The following AK9 variants were observed in gnomAD, a reference collection of about 807,000 sequenced individuals.
AK9 encodes the protein adenylate kinase domain containing 1.
AK9 carries 191 observed loss-of-function variants against 239.6 expected under a neutral mutation model. The ratio of observed to expected loss-of-function variants is 0.80; its 90% CI spans 0.71 to 0.90. The LOEUF (loss-of-function observed/expected upper bound fraction) is 0.90. AK9 is among the 40% of genes least tolerant of loss of function. The probability of loss-of-function intolerance (pLI) is 0.00; values close to 1 mark genes in which losing one functional copy is unlikely to be tolerated. For missense variants in AK9, 1,995 were observed against 2,214.7 expected (o/e 0.90, Z 1.99); for synonymous variants, 689 against 721.0 (o/e 0.96, Z 0.71).
chr6:109,655,231 C>A (rs963845955), intron 8 of AK9, among the ~76,000 whole-genome samples: 2 of 152,110 alleles, frequency 1.3e-5, no homozygotes, highest in African/African-American at 4.8e-5. Flanking sequence ...ACTACCTGTT[C>A]ATCTTTTAAA....
chr6:109,542,700 G>C (rs1185851861), intron 26 of AK9, among the ~76,000 whole-genome samples: 1 of 152,024 alleles, frequency 6.6e-6, no homozygotes, highest in Non-Finnish European at 1.5e-5. Context: ...TTTTTATAGT[G>C]TTGCTTATAA....
chr6:109,515,630 C>G (rs1189726797), intron 31 of AK9, among the ~76,000 whole-genome samples: 1 of 151,978 alleles, frequency 6.6e-6, no homozygotes, highest in Non-Finnish European at 1.5e-5. Context: ...AGGAGAAACT[C>G]AGGGGGAGGT....
At position 109,633,210 on chromosome 6, in the gene AK9, A is replaced by G. The variant is rs1796319693; in HGVS notation, c.1047T>C (p.Tyr349=). 3 of 1,600,756 alleles carry G rather than the reference A, an allele frequency of 1.9e-6. No homozygotes were observed. The highest frequency in any genetic ancestry group is 8.5e-7 in the Non-Finnish European group (1 of 1,177,218). Residue 349 remains tyrosine (Y), a synonymous_variant, in exon 11 of 41, where the codon TAT becomes TAC. Coordinates refer to ENST00000424296, the MANE Select transcript of AK9 (RefSeq NM_001145128.3). ...TCACAGAATAATCTGGTAATCCTGA[A>G]TAAATGTTACCATCTTTTAAATTCA... ...CPVNLKDGNI[Y]SGLPDYSVSF... is the part of the protein sequence containing the mutation.
intron 29 of AK9, among the ~76,000 whole-genome samples, chr6:109,526,787 C>T (rs1359119721): frequency 6.6e-6 from 1 of 152,080 alleles, no homozygotes; most frequent in Non-Finnish European, 1.5e-5. Flanking sequence ...TGTCTCCAAC[C>T]CGTATACCCA....
chr6:109,507,130 C>A (rs898818335), intron 33 of AK9, among the ~76,000 whole-genome samples: 11 of 152,188 alleles, frequency 7.2e-5, no homozygotes, highest in African/African-American at 2.7e-4. Context: ...TTGTGTTCAA[C>A]TGGTGCTGTT....
chr6:109,528,692 G>A (rs187450619), intron 29 of AK9: 64 of 479,894 alleles, frequency 1.3e-4, no homozygotes, highest in Non-Finnish European at 2.4e-4. Context: ...GTGACATGTG[G>A]TTGCACTTGT....
At chr6:109,616,007 C>T (rs1425862014) in intron 13 of AK9, among the ~76,000 whole-genome samples, 10 of 151,586 alleles carry the variant, frequency 6.6e-5, no homozygotes, top group Admixed American at 5.3e-4. Context: ...AGGCCAAGGC[C>T]GGAGGATCAC....
chr6:109,678,856 C>A (rs1772170123), intron 1 of AK9, among the ~76,000 whole-genome samples: 1 of 152,098 alleles, frequency 6.6e-6, no homozygotes, highest in Non-Finnish European at 1.5e-5. Context: ...TGCAAGGGGT[C>A]GGGGAACTCC....
chr6:109,535,082 T>C (rs1321060529), intron 27 of AK9, among the ~76,000 whole-genome samples: 4 of 152,250 alleles, frequency 2.6e-5, no homozygotes, highest in Non-Finnish European at 5.9e-5. Flanking sequence ...GCATGTGGCA[T>C]TATAGCAGCA....
At chr6:109,495,069 C>A (rs1421685636) in intron 39 of AK9, among the ~76,000 whole-genome samples, 4 of 152,172 alleles carry the variant, frequency 2.6e-5, no homozygotes, top group Admixed American at 6.5e-5. Context: ...AACCAAACTA[C>A]ATATCTAATT....
intron 27 of AK9, among the ~76,000 whole-genome samples, chr6:109,537,593 GT>G (rs1782206732): frequency 7.2e-6 from 1 of 138,484 alleles, no homozygotes; most frequent in Admixed American, 7.1e-5. Context: ...GGTTTTTTGT[GT>G]CCTATCTCTT....
At chr6:109,676,133 T>C (rs1025030563) in intron 1 of AK9, among the ~76,000 whole-genome samples, 1 of 152,118 alleles carries the variant, frequency 6.6e-6, no homozygotes, top group African/African-American at 2.4e-5. Context: ...AAAGGTAATG[T>C]TGGCTAAATG....
In AK9 at chr6:109,585,990, T is replaced by A. The variant is rs927735182; in HGVS notation, c.1925A>T (p.Glu642Val). The A allele has an allele frequency of 3.9e-6, 6 of 1,551,546 alleles. No individual in the cohort carries two copies. The highest frequency in any genetic ancestry group is 4.4e-6 in the Non-Finnish European group (5 of 1,146,928). The change falls in exon 18 of 41, where the codon GAA becomes GTA. Residue 642 changes from glutamate (E) to valine (V), a missense_variant. Transcript: ENST00000424296. ...TTTCTTGATTAAGGCCATCCACAAT[T>A]CTTTTACAATAGGGCAGTTGTCCAC... ...WIVDNCPIVKELWMALIKKGI... is the reference protein window; with the variant it reads ...WIVDNCPIVKVLWMALIKKGI...
intron 39 of AK9, among the ~76,000 whole-genome samples, chr6:109,494,854 GATAA>G (rs141142543): frequency 0.058 from 8,759 of 152,110 alleles, 804 homozygotes; most frequent in African/African-American, 0.2. Flanking sequence ...GTTATACTTG[GATAA>G]ATAAAGTATA....
chr6:109,587,140 T>A (rs896161691), intron 17 of AK9, among the ~76,000 whole-genome samples: 1 of 152,178 alleles, frequency 6.6e-6, no homozygotes, highest in African/African-American at 2.4e-5. Flanking sequence ...ATAAGCAGTC[T>A]TTTAAAAAAT....
At chr6:109,553,652 G>C (rs961945040) in intron 24 of AK9, among the ~76,000 whole-genome samples, 1 of 152,170 alleles carries the variant, frequency 6.6e-6, no homozygotes, top group African/African-American at 2.4e-5. Context: ...TGCAAGCAGA[G>C]ACAACTTGAC....
chr6:109,591,681 C>T (rs372585764), intron 17 of AK9, among the ~76,000 whole-genome samples: 13 of 152,056 alleles, frequency 8.5e-5, no homozygotes, highest in African/African-American at 3.1e-4. Flanking sequence ...TGAATATCAC[C>T]CTTTTGCTTT....
chr6:109,547,335 G>A (rs1783695659), intron 25 of AK9, among the ~76,000 whole-genome samples: 1 of 152,212 alleles, frequency 6.6e-6, no homozygotes, highest in South Asian at 2.1e-4. Context: ...TCTTGCTCCA[G>A]TAATCCTATC....
chr6:109,562,831 G>A (rs6929823), intron 24 of AK9, among the ~76,000 whole-genome samples: 93,880 of 151,798 alleles, frequency 0.62, 29,821 homozygotes, highest in East Asian at 0.84. Flanking sequence ...AATTGTCTGC[G>A]GATACCAGAG....
Sources: allele counts gnomAD v4.1 joint callset (sites outside exome capture counted in the v4.1 genomes callset), GRCh38; gene constraint gnomAD v4.1.1; transcripts MANE v1.5; gene names NCBI Gene and HGNC (gene_info 2026-07-23, HGNC 2026-07-21).